Variants in GRID2 observed in about 807,000 individuals in gnomAD.
The protein encoded by GRID2 is glutamate ionotropic receptor delta type subunit 2.
A neutral mutation model predicts 114.8 loss-of-function variants in GRID2; 33 were observed. That is an observed-to-expected ratio of 0.29 (90% CI 0.22 to 0.38). The LOEUF (loss-of-function observed/expected upper bound fraction) is 0.38. GRID2 is among the 10% of genes least tolerant of loss of function. The pLI, the probability that GRID2 is intolerant of heterozygous loss-of-function variation, is 1.00. For synonymous variants in GRID2, 505 were observed against 449.9 expected, an observed-to-expected ratio of 1.12 and a Z score of -1.55; for missense variants, 1,184 against 1,257.7, an observed-to-expected ratio of 0.94 and a Z score of 0.89.
At position 92,612,884 on chromosome 4, in the gene GRID2, TC is replaced by T. The variant is rs1372469380; in HGVS notation, c.244+22600del. 2.6e-5 allele frequency among the ~76,000 whole-genome samples: 4 copies of T among 151,572 alleles called. No individual in the cohort carries two copies. In the East Asian group the frequency reaches 7.8e-4, roughly 30 times the overall value. On this transcript the variant is annotated intron_variant, in intron 2 of 15. Coordinates refer to ENST00000282020, the MANE Select transcript of GRID2 (RefSeq NM_001510.4). ...GTTATGCAAATAAATACATTTACAG[TC>T]CTTCCTTTTAAATCTAGATGCCTTT... is the stretch of plus-strand genomic sequence containing the variant.
At chr4:93,085,765 T>A (rs1409563480) in intron 3 of GRID2, among the ~76,000 whole-genome samples, 1 of 152,126 alleles carries the variant, frequency 6.6e-6, no homozygotes, top group Non-Finnish European at 1.5e-5. Flanking sequence ...AGTACTTAAC[T>A]CCTTGGAGTC....
intron 1 of GRID2, among the ~76,000 whole-genome samples, chr4:93,779,973 T>C (rs545584992): frequency 2.2e-4 from 33 of 152,352 alleles, no homozygotes; most frequent in Middle Eastern, 3.4e-3. Flanking sequence ...GGCCCTGCTG[T>C]GTGCAAGACA....
chr4:93,388,040 ATAT>A (rs1291482576), intron 8 of GRID2, among the ~76,000 whole-genome samples: 1 of 152,116 alleles, frequency 6.6e-6, no homozygotes, highest in Non-Finnish European at 1.5e-5. Flanking sequence ...GCTGCAATAA[ATAT>A]TATCATACAA....
intron 8 of GRID2, among the ~76,000 whole-genome samples, chr4:93,314,871 T>C (rs765886118): frequency 6.6e-6 from 1 of 152,106 alleles, no homozygotes; most frequent in Non-Finnish European, 1.5e-5. Flanking sequence ...TATGACAGGA[T>C]ATTTAATATA....
chr4:92,759,833 G>A, intron 2 of GRID2, among the ~76,000 whole-genome samples: 1 of 148,496 alleles, frequency 6.7e-6, no homozygotes, highest in Non-Finnish European at 1.5e-5. Flanking sequence ...CACCATGTTA[G>A]TCAGGCTGGT....
chr4:92,911,185 A>G (rs1002272472), intron 2 of GRID2, among the ~76,000 whole-genome samples: 8 of 152,066 alleles, frequency 5.3e-5, no homozygotes, highest in Non-Finnish European at 8.8e-5. Context: ...AACTAGATGA[A>G]GTATTCATTT....
chr4:93,590,158 G>GT (rs1738048532), intron 13 of GRID2, among the ~76,000 whole-genome samples: 1 of 150,436 alleles, frequency 6.6e-6, no homozygotes, highest in Non-Finnish European at 1.5e-5. Flanking sequence ...TAATGCCTAG[G>GT]TTTTCTTCTA....
intron 9 of GRID2, among the ~76,000 whole-genome samples, chr4:93,396,831 T>A (rs996408561): frequency 6.6e-6 from 1 of 152,048 alleles, no homozygotes; most frequent in African/African-American, 2.4e-5. Flanking sequence ...TAAATAGCCA[T>A]AAACCACGAA....
In GRID2 at chr4:92,762,780, T is replaced by G. The variant is rs1738081561; in HGVS notation, c.244+172494T>G. Among the ~76,000 whole-genome samples the G allele has an allele frequency of 2.0e-5, 3 of 152,204 alleles. No individual in the cohort carries two copies. The South Asian group carries it at 6.2e-4, about 31-fold the overall frequency. ...ATATTTAAATTGTGGTGCATTTAGA[T>G]CTGCATTACTTTTTATCCTGTGATG... On this transcript the variant is annotated intron_variant, in intron 2 of 15. Transcript: ENST00000282020.
Position 93,072,599 on chromosome 4 carries a change from T to G in GRID2, c.245-12396T>G, listed in dbSNP as rs184826312. On this transcript the variant is annotated intron_variant, in intron 2 of 15. Transcript: ENST00000282020. ...TTTGAACTCTGCAGGCCCATTTTTA[T>G]GTGGATTTTTTCAATAAATATATTG... Among the ~76,000 whole-genome samples the G allele has an allele frequency of 6.6e-5, 10 of 152,070 alleles. No homozygotes were observed. In the East Asian group the frequency reaches 1.9e-3, roughly 30 times the overall value.
At chr4:93,306,527 T>C (rs1755441042) in intron 8 of GRID2, among the ~76,000 whole-genome samples, 1 of 152,146 alleles carries the variant, frequency 6.6e-6, no homozygotes. Flanking sequence ...ACAAAGCCTT[T>C]CTGGAGAAGA....
At chr4:92,882,661 C>T (rs1424901420) in intron 2 of GRID2, among the ~76,000 whole-genome samples, 1 of 152,068 alleles carries the variant, frequency 6.6e-6, no homozygotes, top group East Asian at 1.9e-4. Context: ...GGCTTCAGTT[C>T]CAGACCTCCA....
chr4:93,329,143 G>C (rs1307247597), intron 8 of GRID2, among the ~76,000 whole-genome samples: 1 of 152,108 alleles, frequency 6.6e-6, no homozygotes. Flanking sequence ...GTTGAAACTA[G>C]AAGATAAAGG....
rs566246659 is a variant in GRID2 at position 92,349,521 on chromosome 4, T to C, written c.88+44777T>C. On this transcript the variant is annotated intron_variant, in intron 1 of 15. Transcript: ENST00000282020. ...AAAGGGGAGATGATTGATATTTTTG[T>C]ATATCAAGATTTTACTTTTATTTAA... Among the ~76,000 whole-genome samples the C allele has an allele frequency of 1.8e-4, 27 of 151,864 alleles. No individual in the cohort carries two copies. The South Asian group carries it at 5.4e-3, about 30-fold the overall frequency.
At chr4:92,524,407 C>CTTTTTTTT (rs869060153) in intron 1 of GRID2, among the ~76,000 whole-genome samples, 33 of 106,546 alleles carry the variant, frequency 3.1e-4, no homozygotes, top group African/African-American at 1.1e-3. Context: ...ATTTCCTTGT[C>CTTTTTTTT]TTTTTTTTTT....
At chr4:93,127,892 A>G (rs1250525039) in intron 4 of GRID2, among the ~76,000 whole-genome samples, 1 of 151,678 alleles carries the variant, frequency 6.6e-6, no homozygotes, top group Non-Finnish European at 1.5e-5. Flanking sequence ...ATGGTGGTAC[A>G]TGCCTGTAGT....
chr4:93,680,101 T>C, intron 14 of GRID2, among the ~76,000 whole-genome samples: 1 of 148,722 alleles, frequency 6.7e-6, no homozygotes, highest in East Asian at 1.9e-4. Flanking sequence ...GGGATATCAC[T>C]GCCAATCCCA....
At chr4:92,706,372 GAT>G (rs1734958233) in intron 2 of GRID2, among the ~76,000 whole-genome samples, 1 of 152,148 alleles carries the variant, frequency 6.6e-6, no homozygotes, top group African/African-American at 2.4e-5. Flanking sequence ...AATAAATACT[GAT>G]GTTTGTTATT....
At chr4:93,590,093 A>G (rs535815407) in intron 13 of GRID2, among the ~76,000 whole-genome samples, 4,004 of 149,452 alleles carry the variant, frequency 0.027, 73 homozygotes, top group East Asian at 0.065. Context: ...TTTTGTTGTC[A>G]TTGCTTTTGG....
Sources: allele counts gnomAD v4.1 joint callset (sites outside exome capture counted in the v4.1 genomes callset), GRCh38; gene constraint gnomAD v4.1.1; transcripts MANE v1.5; gene names NCBI Gene and HGNC (gene_info 2026-07-23, HGNC 2026-07-21).